The following XRCC4 variants were observed in gnomAD, a reference collection of about 807,000 sequenced individuals.
XRCC4 encodes X-ray repair cross complementing 4, also known as DNA repair protein XRCC4.
XRCC4 carries 28 observed loss-of-function variants against 39.1 expected under a neutral mutation model. That is an observed-to-expected ratio of 0.72 (90% CI 0.53 to 0.98). The LOEUF (loss-of-function observed/expected upper bound fraction) is 0.98. XRCC4 is among the 50% of genes least tolerant of loss of function. The probability of loss-of-function intolerance (pLI) is 0.00; values close to 1 mark genes in which losing one functional copy is unlikely to be tolerated. For synonymous variants in XRCC4, 123 were observed against 126.4 expected, an observed-to-expected ratio of 0.97 and a Z score of 0.18; for missense variants, 350 against 376.4, an observed-to-expected ratio of 0.93 and a Z score of 0.58.
chr5:83,208,481 A>G (rs1441317467), intron 6 of XRCC4, among the ~76,000 whole-genome samples: 2 of 152,066 alleles, frequency 1.3e-5, no homozygotes, highest in Non-Finnish European at 2.9e-5. Flanking sequence ...ATCCAGAAGT[A>G]GAGTAGGGGT....
chr5:83,370,398 G>A, the XRCC4 span, among the ~76,000 whole-genome samples: 1 of 152,140 alleles, frequency 6.6e-6, no homozygotes, highest in African/African-American at 2.4e-5. Flanking sequence ...TCCACATCTT[G>A]CATTGTGGCT....
intron 7 of XRCC4, among the ~76,000 whole-genome samples, chr5:83,279,089 AAT>A (rs1463294797): frequency 1.4e-5 from 2 of 146,304 alleles, no homozygotes; most frequent in Non-Finnish European, 3.0e-5. Context: ...TATATTATAA[AAT>A]ATATATAATA....
intron 1 of XRCC4, among the ~76,000 whole-genome samples, chr5:83,084,691 T>G (rs1451713030): frequency 6.6e-6 from 1 of 152,162 alleles, no homozygotes; most frequent in African/African-American, 2.4e-5. Context: ...TATGATTAGT[T>G]TGTTAACAGT....
At chr5:83,221,659 C>T (rs1752087534) in intron 6 of XRCC4, among the ~76,000 whole-genome samples, 1 of 151,816 alleles carries the variant, frequency 6.6e-6, no homozygotes, top group Non-Finnish European at 1.5e-5. Flanking sequence ...GGTTCTGTTA[C>T]AATTTGATGG....
intron 3 of XRCC4, among the ~76,000 whole-genome samples, chr5:83,131,682 CAG>C (rs1747592266): frequency 6.6e-6 from 1 of 152,002 alleles, no homozygotes; most frequent in Non-Finnish European, 1.5e-5. Context: ...TCTGTTTTAT[CAG>C]AGACTAGGAT....
intron 3 of XRCC4, among the ~76,000 whole-genome samples, chr5:83,161,798 T>C (rs1177424994): frequency 6.6e-6 from 1 of 152,020 alleles, no homozygotes. Flanking sequence ...TATGATTTCA[T>C]GTGAATTTGC....
intron 6 of XRCC4, among the ~76,000 whole-genome samples, chr5:83,247,696 C>T (rs190119279): frequency 1.3e-3 from 200 of 152,118 alleles, no homozygotes; most frequent in African/African-American, 4.7e-3. Flanking sequence ...TCTCTGAATA[C>T]AGTTTTTTAA....
intron 7 of XRCC4, among the ~76,000 whole-genome samples, chr5:83,321,439 A>G (rs1312082676): frequency 6.6e-6 from 1 of 152,204 alleles, no homozygotes; most frequent in Non-Finnish European, 1.5e-5. Context: ...AATTTTTGTT[A>G]GAGCTTTTTG....
chr5:83,156,216 G>A lies in XRCC4; in HGVS notation c.316-39554G>A, dbSNP rs936759890. Among the ~76,000 whole-genome samples, 5 of 151,520 alleles carry A rather than the reference G, an allele frequency of 3.3e-5. No individual in the cohort carries two copies. The South Asian group carries it at 6.2e-4, about 19-fold the overall frequency. On this transcript the variant is annotated intron_variant, in intron 3 of 7. Transcript: ENST00000396027. ...GAAATGTTGCTTGTGGTTACAATTC[G>A]TGTGCAGTTATTTTAGTTAATTTTG... is the stretch of plus-strand genomic sequence containing the variant.
chr5:83,105,728 T>C (rs1746167567), intron 2 of XRCC4, among the ~76,000 whole-genome samples: 1 of 152,172 alleles, frequency 6.6e-6, no homozygotes, highest in Non-Finnish European at 1.5e-5. Flanking sequence ...AAGTATCTTA[T>C]TGAAAGATTT....
chr5:83,350,134 G>A (rs760640741), intron 7 of XRCC4, among the ~76,000 whole-genome samples: 1 of 152,116 alleles, frequency 6.6e-6, no homozygotes, highest in Non-Finnish European at 1.5e-5. Flanking sequence ...TAGTGTATAT[G>A]TAATATATTT....
At chr5:83,190,836 T>C (rs1750661850) in intron 3 of XRCC4, among the ~76,000 whole-genome samples, 1 of 152,206 alleles carries the variant, frequency 6.6e-6, no homozygotes, top group African/African-American at 2.4e-5. Flanking sequence ...TTCAAATCTA[T>C]GTATTATGAT....
intron 3 of XRCC4, among the ~76,000 whole-genome samples, chr5:83,140,269 C>G (rs1021774690): frequency 6.6e-6 from 1 of 152,190 alleles, no homozygotes; most frequent in East Asian, 1.9e-4. Flanking sequence ...AGCAGGGAAG[C>G]TGATAGTCTG....
chr5:83,266,009 A>G (rs1267890123), intron 7 of XRCC4, among the ~76,000 whole-genome samples: 1 of 152,050 alleles, frequency 6.6e-6, no homozygotes, highest in Non-Finnish European at 1.5e-5. Context: ...GTTTTAAGTA[A>G]AGGGGATTTA....
At chr5:83,183,532 A>G (rs1750300606) in intron 3 of XRCC4, among the ~76,000 whole-genome samples, 1 of 151,832 alleles carries the variant, frequency 6.6e-6, no homozygotes, top group South Asian at 2.1e-4. Flanking sequence ...CCTCTCAGGA[A>G]AAGCCATGTA....
At chr5:83,205,407 A>G (rs1298851695) in intron 6 of XRCC4, among the ~76,000 whole-genome samples, 1 of 151,832 alleles carries the variant, frequency 6.6e-6, no homozygotes, top group African/African-American at 2.4e-5. Flanking sequence ...AGAGAAGGGG[A>G]AAAATGGCAG....
chr5:83,344,201 T>C (rs1013132103), intron 7 of XRCC4, among the ~76,000 whole-genome samples: 1 of 151,498 alleles, frequency 6.6e-6, no homozygotes, highest in Admixed American at 6.6e-5. Context: ...TTTTGCATGG[T>C]TTTGAAATTT....
intron 3 of XRCC4, among the ~76,000 whole-genome samples, chr5:83,168,947 C>T (rs1173016532): frequency 1.3e-5 from 2 of 152,034 alleles, no homozygotes; most frequent in African/African-American, 4.8e-5. Context: ...AGAGAATCCC[C>T]GGAATGATGC....
intron 6 of XRCC4, among the ~76,000 whole-genome samples, chr5:83,222,811 G>A (rs1195267895): frequency 6.6e-6 from 1 of 152,036 alleles, no homozygotes; most frequent in African/African-American, 2.4e-5. Flanking sequence ...GGAGTGGTGC[G>A]ATCACGGCTC....
Sources: allele counts gnomAD v4.1 joint callset (sites outside exome capture counted in the v4.1 genomes callset), GRCh38; gene constraint gnomAD v4.1.1; transcripts MANE v1.5; gene names NCBI Gene and HGNC (gene_info 2026-07-23, HGNC 2026-07-21).